DOCK3: variants seen among roughly 807,000 people sequenced by gnomAD.
The protein encoded by DOCK3 is dedicator of cytokinesis protein 3.
DOCK3 carries 60 observed loss-of-function variants against 265.6 expected under a neutral mutation model. The observed-to-expected ratio is 0.23, with a 90% confidence interval of 0.18 to 0.28. The LOEUF is 0.28. Among genes scored for constraint, DOCK3 ranks in the 10% least tolerant of loss-of-function variants. The pLI, the probability that DOCK3 is intolerant of heterozygous loss-of-function variation, is 1.00. For synonymous variants in DOCK3, 881 were observed against 938.0 expected (o/e 0.94, Z 1.11); for missense variants, 1,981 against 2,594.3 (o/e 0.76, Z 5.14).
chr3:51,237,545 T>G lies in DOCK3; in HGVS notation c.2057T>G (p.Met686Arg). Reference protein sequence around the residue: ...DIKYFHFRPVMDTYIQKHFAG... With the variant: ...DIKYFHFRPVRDTYIQKHFAG... The stretch of plus-strand genomic sequence containing the variant: ...AAGTATTTTCACTTTCGACCTGTGA[T>G]GGACACGTATATCCAGAAGCACTTT... Residue 686 changes from methionine (M) to arginine (R), a missense_variant, in exon 21 of 53, where the codon ATG (methionine) becomes AGG (arginine). By Grantham distance (91) the Met-to-Arg change is moderately conservative (BLOSUM62 -1). Transcript: ENST00000266037. The G allele has an allele frequency of 6.2e-7, 1 of 1,613,708 alleles. No individual in the cohort carries two copies. Among genetic ancestry groups the G allele is most frequent in the Non-Finnish European group, 8.5e-7 (1 of 1,179,814 alleles).
At chr3:51,349,611 A>T (rs2085838369) in intron 39 of DOCK3, among the ~76,000 whole-genome samples, 1 of 152,216 alleles carries the variant, frequency 6.6e-6, no homozygotes, top group South Asian at 2.1e-4. Flanking sequence ...TGAATGCATT[A>T]TAGCTATCTT....
intron 32 of DOCK3, among the ~76,000 whole-genome samples, chr3:51,324,819 G>T (rs1186300336): frequency 1.3e-5 from 2 of 152,156 alleles, no homozygotes; most frequent in African/African-American, 4.8e-5. Context: ...AATGGGGAAA[G>T]GATTCCCTAT....
intron 3 of DOCK3, among the ~76,000 whole-genome samples, chr3:50,845,412 G>T (rs2046032390): frequency 1.3e-5 from 2 of 152,068 alleles, no homozygotes; most frequent in Admixed American, 1.3e-4. Flanking sequence ...ATCAATAATT[G>T]TGAACAGAAT....
chr3:50,922,489 C>A (rs1382063095), intron 4 of DOCK3, among the ~76,000 whole-genome samples: 1 of 152,252 alleles, frequency 6.6e-6, no homozygotes, highest in African/African-American at 2.4e-5. Context: ...AATTCCCCGA[C>A]CCCTTGCGCT....
intron 5 of DOCK3, among the ~76,000 whole-genome samples, chr3:51,032,190 C>T (rs1362039152): frequency 1.3e-5 from 2 of 151,444 alleles, no homozygotes; most frequent in African/African-American, 4.9e-5. Flanking sequence ...TTATTTCTCA[C>T]TTCAGTGATT....
At chr3:50,764,550 C>T (rs2040742353) in intron 1 of DOCK3, among the ~76,000 whole-genome samples, 1 of 152,164 alleles carries the variant, frequency 6.6e-6, no homozygotes, top group South Asian at 2.1e-4. Flanking sequence ...TGTATGAACA[C>T]TGAGAGATGA....
intron 13 of DOCK3, among the ~76,000 whole-genome samples, chr3:51,213,190 A>G (rs941256885): frequency 6.6e-6 from 1 of 151,916 alleles, no homozygotes; most frequent in Non-Finnish European, 1.5e-5. Flanking sequence ...CCTCATTTCT[A>G]TAATTGTTCA....
chr3:51,355,907 T>G (rs1029375134), intron 41 of DOCK3, among the ~76,000 whole-genome samples, 182 bp from the exon 42 acceptor site: 1 of 152,066 alleles, frequency 6.6e-6, no homozygotes, highest in Non-Finnish European at 1.5e-5. Context: ...AGAGAGCAGA[T>G]AGAGATTTAC....
intron 35 of DOCK3, among the ~76,000 whole-genome samples, chr3:51,336,337 T>TTG (rs1264453854): frequency 1.3e-5 from 2 of 149,436 alleles, no homozygotes; most frequent in African/African-American, 5.0e-5. Context: ...GAAGGGTTTT[T>TTG]TTGTTTTTTT....
At chr3:51,115,535 C>T (rs1183866293) in intron 9 of DOCK3, among the ~76,000 whole-genome samples, 5 of 151,764 alleles carry the variant, frequency 3.3e-5, no homozygotes, top group Admixed American at 6.6e-5. Flanking sequence ...TTATAGATTC[C>T]GGATATTAGC....
At chr3:50,893,053 C>T (rs566822425) in intron 4 of DOCK3, among the ~76,000 whole-genome samples, 4 of 152,100 alleles carry the variant, frequency 2.6e-5, no homozygotes, top group South Asian at 2.1e-4. Flanking sequence ...GAATGAAGTG[C>T]GTACATTCAT....
chr3:51,348,772 G>T, intron 38 of DOCK3, 80 bp from the exon 39 acceptor site: 2 of 1,401,870 alleles, frequency 1.4e-6, no homozygotes, highest in Admixed American at 3.9e-5. Flanking sequence ...CTTTTGTTGT[G>T]TGTCTTCTGA....
At chr3:51,048,871 A>G (rs2080879806) in intron 5 of DOCK3, among the ~76,000 whole-genome samples, 1 of 152,066 alleles carries the variant, frequency 6.6e-6, no homozygotes, top group Admixed American at 6.5e-5. Context: ...TCAAAAAAAA[A>G]AAACAACTAT....
intron 5 of DOCK3, among the ~76,000 whole-genome samples, chr3:50,945,718 A>C (rs2076408762): frequency 6.6e-6 from 1 of 152,198 alleles, no homozygotes; most frequent in Non-Finnish European, 1.5e-5. Context: ...AAAGATTAAG[A>C]ACATACATTT....
intron 7 of DOCK3, among the ~76,000 whole-genome samples, chr3:51,077,219 G>C (rs2082085975): frequency 6.6e-6 from 1 of 152,148 alleles, no homozygotes; most frequent in African/African-American, 2.4e-5. Flanking sequence ...AAAGTGAAGA[G>C]AGAATGAGAG....
chr3:51,257,115 G>C (rs2079590220), intron 22 of DOCK3, among the ~76,000 whole-genome samples: 1 of 152,160 alleles, frequency 6.6e-6, no homozygotes, highest in Non-Finnish European at 1.5e-5. Context: ...ATTCCCTTTG[G>C]GGGAGCATTT....
intron 2 of DOCK3, among the ~76,000 whole-genome samples, chr3:50,798,874 G>T (rs1156714656): frequency 5.3e-5 from 8 of 152,038 alleles, no homozygotes; most frequent in Admixed American, 2.0e-4. Context: ...TTAGGTTTTT[G>T]ATTTACTTTC....
chr3:51,068,583 A>G (rs1055894974), intron 6 of DOCK3, among the ~76,000 whole-genome samples: 2 of 141,580 alleles, frequency 1.4e-5, no homozygotes, highest in Non-Finnish European at 3.1e-5. Context: ...AAATGCTGCT[A>G]TGCCTTTCTA....
intron 22 of DOCK3, among the ~76,000 whole-genome samples, chr3:51,249,599 TG>T (rs1242601244): frequency 1.3e-5 from 1 of 77,818 alleles, no homozygotes; most frequent in East Asian, 4.3e-4. Context: ...GGGAGGGAGG[TG>T]GGGGGGTCAG....
Sources: allele counts gnomAD v4.1 joint callset (sites outside exome capture counted in the v4.1 genomes callset), GRCh38; gene constraint gnomAD v4.1.1; transcripts MANE v1.5; gene names NCBI Gene and HGNC (gene_info 2026-07-23, HGNC 2026-07-21).